The following GRM7 variants were observed in gnomAD, a reference collection of about 807,000 sequenced individuals.
GRM7 encodes glutamate metabotropic receptor 7.
A neutral mutation model predicts 84.5 loss-of-function variants in GRM7; 35 were observed. The ratio of observed to expected loss-of-function variants is 0.41; its 90% CI spans 0.32 to 0.55. The LOEUF (loss-of-function observed/expected upper bound fraction) is 0.55. Among genes scored for constraint, GRM7 ranks in the 20% least tolerant of loss-of-function variants. The pLI is 0.19. For missense variants in GRM7, 1,003 were observed against 1,194.6 expected (o/e 0.84, Z 2.36); for synonymous variants, 487 against 455.1 (o/e 1.07, Z -0.89).
intron 6 of GRM7, among the ~76,000 whole-genome samples, chr3:7,458,979 A>G (rs1170950638): frequency 1.3e-5 from 2 of 152,192 alleles, no homozygotes; most frequent in African/African-American, 4.8e-5. Context: ...GAAAGCCAAT[A>G]TTAAAAATCT....
At chr3:6,930,272 C>T (rs574680551) in intron 1 of GRM7, among the ~76,000 whole-genome samples, 16 of 152,174 alleles carry the variant, frequency 1.1e-4, no homozygotes, top group Non-Finnish European at 1.8e-4. Flanking sequence ...ACAGTAAAAG[C>T]GGTAGCTGTT....
intron 2 of GRM7, among the ~76,000 whole-genome samples, chr3:7,192,742 AC>A (rs1238429762): frequency 6.6e-6 from 1 of 151,918 alleles, no homozygotes; most frequent in Admixed American, 6.6e-5. Context: ...TTTATTTCTC[AC>A]CTTTTCTGCT....
At chr3:7,605,687 T>TA (rs150158214) in intron 8 of GRM7, among the ~76,000 whole-genome samples, 6,590 of 152,244 alleles carry the variant, frequency 0.043, 473 homozygotes, top group African/African-American at 0.15. Flanking sequence ...TCTATTGGCC[T>TA]AAAAAATGCT....
At chr3:7,410,656 C>CCACA (rs370683194) in intron 4 of GRM7, among the ~76,000 whole-genome samples, 87 of 142,686 alleles carry the variant, frequency 6.1e-4, no homozygotes, top group African/African-American at 1.4e-3. Context: ...ACCACCACCA[C>CCACA]CACACACACA....
intron 1 of GRM7, among the ~76,000 whole-genome samples, chr3:6,867,763 T>C (rs759700334): frequency 2.0e-5 from 3 of 152,172 alleles, no homozygotes; most frequent in Admixed American, 6.5e-5. Flanking sequence ...CTTTTGTGAA[T>C]TGACACAGTC....
intron 1 of GRM7, among the ~76,000 whole-genome samples, chr3:7,111,820 A>G (rs1692861659): frequency 6.6e-6 from 1 of 152,154 alleles, no homozygotes; most frequent in Admixed American, 6.5e-5. Context: ...AGATTTGTAC[A>G]TAGCCTCATT....
chr3:7,203,718 T>C (rs1696142718), intron 2 of GRM7, among the ~76,000 whole-genome samples: 1 of 152,188 alleles, frequency 6.6e-6, no homozygotes, highest in African/African-American at 2.4e-5. Flanking sequence ...ACGAAATGTG[T>C]GTATGTGTGT....
rs917841537 is a variant in GRM7, at chr3:7,437,805, G to T, written c.1175-14802G>T. ...GTATCTTTGCATAGCCTAAGGCTAGGCTAGGGGCAAGTAGGGAAATTGTAC... is the reference window on the plus strand; with the variant it reads ...GTATCTTTGCATAGCCTAAGGCTAGTCTAGGGGCAAGTAGGGAAATTGTAC... On this transcript the variant is annotated intron_variant, in intron 5 of 9. Transcript: ENST00000357716. Among the ~76,000 whole-genome samples, 4 of 152,164 alleles carry T rather than the reference G, an allele frequency of 2.6e-5. No homozygotes were observed. In the South Asian group the frequency reaches 8.3e-4, roughly 32 times the overall value.
At chr3:7,158,181 G>T (rs1694514651) in intron 2 of GRM7, among the ~76,000 whole-genome samples, 1 of 152,088 alleles carries the variant, frequency 6.6e-6, no homozygotes, top group Non-Finnish European at 1.5e-5. Flanking sequence ...GGATAGAATT[G>T]AAATGCAAAC....
At chr3:7,032,865 A>T (rs964023647) in intron 1 of GRM7, among the ~76,000 whole-genome samples, 1 of 152,136 alleles carries the variant, frequency 6.6e-6, no homozygotes, top group Non-Finnish European at 1.5e-5. Flanking sequence ...TAGAATTTAG[A>T]CTTCTGACCT....
intron 1 of GRM7, among the ~76,000 whole-genome samples, chr3:6,880,633 ATC>A (rs1027993865): frequency 1.3e-5 from 2 of 151,534 alleles, no homozygotes; most frequent in African/African-American, 4.8e-5. Flanking sequence ...CTTTGAGCAA[ATC>A]TGTTTGATAT....
In GRM7 at chr3:7,221,043, G is replaced by A. The variant is rs536264022; in HGVS notation, c.736+74375G>A. Among the ~76,000 whole-genome samples, 11 of 150,510 alleles carry A rather than the reference G, an allele frequency of 7.3e-5. No homozygotes were observed. In the East Asian group the frequency reaches 2.2e-3, roughly 30 times the overall value. ...GCCCAGGACACGGAGGTTGCAATGA[G>A]CCGAGATCACACCACTGCACTACAG... On this transcript the variant is annotated intron_variant, in intron 2 of 9. Coordinates refer to ENST00000357716, the MANE Select transcript of GRM7 (RefSeq NM_000844.4).
At chr3:6,927,904 G>A (rs773344573) in intron 1 of GRM7, among the ~76,000 whole-genome samples, 10 of 152,116 alleles carry the variant, frequency 6.6e-5, no homozygotes, top group Admixed American at 1.3e-4. Context: ...TACAAACAAT[G>A]TTCCAGTTAG....
At chr3:7,537,573 A>G (rs1025058433) in intron 7 of GRM7, among the ~76,000 whole-genome samples, 1 of 152,192 alleles carries the variant, frequency 6.6e-6, no homozygotes, top group East Asian at 1.9e-4. Context: ...AAAGGTCCAC[A>G]GGCACTTATT....
chr3:7,402,600 C>T (rs773752565), intron 4 of GRM7, among the ~76,000 whole-genome samples: 2 of 152,026 alleles, frequency 1.3e-5, no homozygotes, highest in African/African-American at 2.4e-5. Context: ...TGTTTTAGAA[C>T]GTTGGACAGT....
chr3:6,863,741 G>A lies in GRM7; in HGVS notation c.519+1834G>A, dbSNP rs560219706. On this transcript the variant is annotated intron_variant, in intron 1 of 9. Coordinates refer to ENST00000357716, the MANE Select transcript of GRM7 (RefSeq NM_000844.4). The surrounding 1 kb of genome is among the most constrained non-coding windows in gnomAD (Gnocchi z 4.8). ...TACCTGAGAACCACTGGGGGCTGGG[G>A]TAGGTTACAGTGTTTTCCCTGTTAG... Among the ~76,000 whole-genome samples the A allele has an allele frequency of 3.3e-5, 5 of 152,284 alleles. No individual in the cohort carries two copies. The highest frequency in any genetic ancestry group is 2.1e-4 in the South Asian group (1 of 4,832).
At chr3:7,357,112 G>A (rs1376944412) in intron 4 of GRM7, among the ~76,000 whole-genome samples, 2 of 150,978 alleles carry the variant, frequency 1.3e-5, no homozygotes, top group Non-Finnish European at 2.9e-5. Context: ...ACTGTCCAAG[G>A]AAGCAAACAT....
At chr3:7,648,887 G>A (rs1352585170) in intron 8 of GRM7, among the ~76,000 whole-genome samples, 1 of 152,004 alleles carries the variant, frequency 6.6e-6, no homozygotes, top group East Asian at 1.9e-4. Context: ...AGTCAAGTAC[G>A]GCTTGCTAAT....
chr3:7,286,712 T>G (rs565268835), intron 2 of GRM7, among the ~76,000 whole-genome samples: 3 of 152,194 alleles, frequency 2.0e-5, no homozygotes, highest in African/African-American at 7.2e-5. Context: ...GATCTCTGCA[T>G]GCATGTCTCT....
Sources: allele counts gnomAD v4.1 joint callset (sites outside exome capture counted in the v4.1 genomes callset), GRCh38; gene constraint gnomAD v4.1.1; non-coding constraint Gnocchi (gnomAD v3.1); transcripts MANE v1.5; gene names NCBI Gene and HGNC (gene_info 2026-07-23, HGNC 2026-07-21).